The following ATRNL1 variants were observed in gnomAD, a reference collection of about 807,000 sequenced individuals.
The protein encoded by ATRNL1 is attractin-like protein 1.
Under a neutral mutation model 182.7 loss-of-function variants are expected in ATRNL1, and 95 were observed. The observed-to-expected ratio is 0.52, with a 90% confidence interval of 0.44 to 0.62. ATRNL1 has a LOEUF of 0.62. ATRNL1 is among the 20% of genes least tolerant of loss of function. ATRNL1 has a pLI of 0.00. For missense variants in ATRNL1, 1,471 were observed against 1,679.5 expected (o/e 0.88, Z 2.17); for synonymous variants, 576 against 568.3 (o/e 1.01, Z -0.19).
At chr10:115,123,502 T>G (rs1844831220) in intron 3 of ATRNL1, among the ~76,000 whole-genome samples, 1 of 152,222 alleles carries the variant, frequency 6.6e-6, no homozygotes, top group African/African-American at 2.4e-5. Flanking sequence ...AAATATTTAT[T>G]ACTCAACATT....
At chr10:115,698,096 T>C (rs76356044) in intron 26 of ATRNL1, among the ~76,000 whole-genome samples, 3,992 of 152,248 alleles carry the variant, frequency 0.026, 148 homozygotes, top group African/African-American at 0.089. Context: ...ATAGATACTT[T>C]CATAGTTTCT....
chr10:115,482,662 G>A (rs782452628), intron 24 of ATRNL1, among the ~76,000 whole-genome samples: 1 of 150,946 alleles, frequency 6.6e-6, no homozygotes. Flanking sequence ...TATAAAAATA[G>A]AATTAATAAA....
intron 8 of ATRNL1, 120 bp from the exon 9 acceptor site, chr10:115,215,577 T>C: frequency 1.3e-6 from 1 of 762,630 alleles, no homozygotes; most frequent in Non-Finnish European, 2.0e-6. Context: ...TAATATTAGA[T>C]ATACAATGTT....
intron 1 of ATRNL1, among the ~76,000 whole-genome samples, chr10:115,100,264 C>T (rs115573197): frequency 1.5e-4 from 23 of 151,908 alleles, no homozygotes; most frequent in African/African-American, 5.3e-4. Flanking sequence ...TGTCACTGTA[C>T]TCCATCCTGG....
chr10:115,232,741 C>T (rs568217539), intron 9 of ATRNL1, among the ~76,000 whole-genome samples: 31 of 151,924 alleles, frequency 2.0e-4, no homozygotes, highest in African/African-American at 7.5e-4. Flanking sequence ...AAATAGTGCT[C>T]CCAGAACTAT....
chr10:115,244,371 T>C (rs1185826250), intron 10 of ATRNL1, among the ~76,000 whole-genome samples: 1 of 152,162 alleles, frequency 6.6e-6, no homozygotes. Flanking sequence ...TATTGCATGA[T>C]GGATGTAGAA....
intron 27 of ATRNL1, among the ~76,000 whole-genome samples, chr10:115,739,508 A>C (rs1948077218): frequency 6.6e-6 from 1 of 152,244 alleles, no homozygotes; most frequent in African/African-American, 2.4e-5. Context: ...TGTGCTCAAC[A>C]GAATGGGCAG....
At chr10:115,733,075 G>A (rs1010730574) in intron 27 of ATRNL1, among the ~76,000 whole-genome samples, 1 of 152,030 alleles carries the variant, frequency 6.6e-6, no homozygotes, top group Admixed American at 6.6e-5. Flanking sequence ...AATAACTTTT[G>A]TAGTTTTGTT....
intron 28 of ATRNL1, among the ~76,000 whole-genome samples, chr10:115,902,250 C>G (rs1386979467): frequency 6.6e-6 from 1 of 152,146 alleles, no homozygotes; most frequent in Non-Finnish European, 1.5e-5. Context: ...GTAACATCAT[C>G]TTCCTAAAGA....
At chr10:115,225,475 T>TTAATGTAATATAATATAATATAATA (rs1849654331) in intron 9 of ATRNL1, among the ~76,000 whole-genome samples, 1 of 143,424 alleles carries the variant, frequency 7.0e-6, no homozygotes, top group Admixed American at 7.0e-5. Context: ...ATAAGGCAGA[T>TTAATGTAATATAATATAATATAATA]TAATATAATA....
intron 8 of ATRNL1, among the ~76,000 whole-genome samples, chr10:115,183,055 A>T (rs972134104): frequency 8.6e-5 from 13 of 151,546 alleles, no homozygotes; most frequent in African/African-American, 1.2e-4. Flanking sequence ...TATATATATA[A>T]AAAATTAGTA....
intron 1 of ATRNL1, among the ~76,000 whole-genome samples, chr10:115,119,966 G>GAT (rs1250102112): frequency 1.3e-5 from 2 of 152,062 alleles, no homozygotes; most frequent in Non-Finnish European, 2.9e-5. Context: ...AAATGGTCAT[G>GAT]ATATATTAAG....
chr10:115,561,010 G>A (rs1953601), intron 26 of ATRNL1, among the ~76,000 whole-genome samples: 24,881 of 152,016 alleles, frequency 0.16, 2,555 homozygotes, highest in South Asian at 0.24. Context: ...AAAGTCAATA[G>A]GAATCGATAC....
intron 19 of ATRNL1, among the ~76,000 whole-genome samples, chr10:115,370,028 G>A (rs1857306889): frequency 6.6e-6 from 1 of 152,150 alleles, no homozygotes. Context: ...TGCTATTCTT[G>A]TCATAGTGAA....
rs372823824 is a variant in ATRNL1, at chr10:115,156,823, G to C, written c.830-3217G>C. Among the ~76,000 whole-genome samples the C allele has an allele frequency of 1.1e-4, 16 of 152,152 alleles. No homozygotes were observed. The South Asian group carries it at 3.1e-3, about 30-fold the overall frequency. ...TGAGATACTAAAGTATGAAGTGGTA[G>C]AATAATTTTTATGGATATATTTTTA... On this transcript the variant is annotated intron_variant, in intron 5 of 28. Transcript: ENST00000355044.
At chr10:115,192,495 A>G (rs1276440008) in intron 8 of ATRNL1, among the ~76,000 whole-genome samples, 4 of 151,824 alleles carry the variant, frequency 2.6e-5, no homozygotes, top group Non-Finnish European at 5.9e-5. Flanking sequence ...TTTGACTATT[A>G]TGGCTTTGTA....
At chr10:115,792,827 CA>C (rs2134215083) in intron 27 of ATRNL1, among the ~76,000 whole-genome samples, 1 of 151,628 alleles carries the variant, frequency 6.6e-6, no homozygotes, top group Admixed American at 6.6e-5. Context: ...TTCAAATAGG[CA>C]AAAATATACA....
intron 18 of ATRNL1, among the ~76,000 whole-genome samples, chr10:115,331,535 G>A (rs1564922630): frequency 6.6e-6 from 1 of 152,070 alleles, no homozygotes; most frequent in Non-Finnish European, 1.5e-5. Context: ...TTCTTTGATT[G>A]CCTATGATTT....
At chr10:115,186,626 T>A (rs572882717) in intron 8 of ATRNL1, among the ~76,000 whole-genome samples, 4 of 152,246 alleles carry the variant, frequency 2.6e-5, no homozygotes, top group African/African-American at 9.6e-5. Context: ...TGTTCTCACT[T>A]ATTTGTGGGA....
Sources: gnomAD v4.1 joint callset for allele counts (sites outside exome capture counted in the v4.1 genomes callset) on GRCh38, gnomAD v4.1.1 for gene constraint, MANE v1.5 for transcripts, NCBI Gene and HGNC (gene_info 2026-07-23, HGNC 2026-07-21) for gene names.